CAMK2G: variants seen among roughly 807,000 people sequenced by gnomAD.
CAMK2G encodes the protein calcium/calmodulin dependent protein kinase II gamma.
In CAMK2G, 23 loss-of-function variants were observed where a neutral mutation model predicts 88.7. That is an observed-to-expected ratio of 0.26 (90% CI 0.19 to 0.37). CAMK2G has a LOEUF of 0.37. Ranked by LOEUF, CAMK2G falls within the 10% of genes least tolerant of loss-of-function variation. CAMK2G has a pLI of 1.00. For synonymous variants in CAMK2G, 263 were observed against 294.8 expected, an observed-to-expected ratio of 0.89 and a Z score of 1.11; for missense variants, 476 against 780.8, an observed-to-expected ratio of 0.61 and a Z score of 4.65.
intron 10 of CAMK2G, among the ~76,000 whole-genome samples, chr10:73,844,546 T>C (rs1200451184): frequency 6.6e-6 from 1 of 152,146 alleles, no homozygotes; most frequent in African/African-American, 2.4e-5. Context: ...TAGCTGGGAT[T>C]ATAGGTGTGT....
At chr10:73,820,464 T>TATATA (rs2087623930) in intron 18 of CAMK2G, among the ~76,000 whole-genome samples, 7 of 74,086 alleles carry the variant, frequency 9.4e-5, no homozygotes, top group African/African-American at 3.5e-4. Flanking sequence ...GGTTTTATAT[T>TATATA]TATATATATA....
intron 12 of CAMK2G, among the ~76,000 whole-genome samples, chr10:73,840,918 C>T (rs914954529): frequency 1.3e-5 from 2 of 152,234 alleles, no homozygotes; most frequent in African/African-American, 2.4e-5. Context: ...GCAACTCCAC[C>T]GGAGGCAGCC....
chr10:73,844,088 C>T (rs1036508473), intron 10 of CAMK2G, among the ~76,000 whole-genome samples: 1 of 151,444 alleles, frequency 6.6e-6, no homozygotes, highest in Non-Finnish European at 1.5e-5. Flanking sequence ...TCTCCTTAAA[C>T]AAAAAAATTT....
Position 73,848,471 on chromosome 10 carries a change from A to T in CAMK2G, c.601+55T>A. On this transcript the variant is annotated intron_variant, in intron 8 of 22. Coordinates refer to ENST00000423381, the MANE Select transcript of CAMK2G (RefSeq NM_001367534.1). This position sits in a 1 kb window ranked among gnomAD's most constrained non-coding sequence, Gnocchi z 4.5. ...ATAGCGATGCCTCTTTCTTGCCATC[A>T]TCGGAAGTTGAGGGCCCTTAACAGC... The T allele has an allele frequency of 1.8e-6, 2 of 1,110,702 alleles. No homozygotes were observed. The highest frequency in any genetic ancestry group is 2.8e-6 in the Non-Finnish European group (2 of 726,514). The allele number at this position is 1,110,702 out of a possible 1,614,324, so 68.8% of individuals were successfully genotyped here.
Position 73,819,663 on chromosome 10 carries a change from G to A in CAMK2G, c.1250-18C>T, listed in dbSNP as rs1269553330. 2.7e-6 allele frequency: 4 copies of A among 1,467,418 alleles called. No individual in the cohort carries two copies. The highest frequency in any genetic ancestry group is 3.7e-6 in the Non-Finnish European group (4 of 1,086,156). The allele number at this position is 1,467,418 out of a possible 1,614,324, so 90.9% of individuals were successfully genotyped here. A position where few individuals can be genotyped will look rare whatever the true frequency, so the allele number is the denominator to read the frequency against. ...CGGGGCAGCTAGCCAGCCAGGGCAG[G>A]GCAGGGCAGGGCAAGGCAGAGCAGC... On this transcript the variant is annotated intron_variant, in intron 18 of 22. Coordinates refer to ENST00000423381, the MANE Select transcript of CAMK2G (RefSeq NM_001367534.1).
intron 17 of CAMK2G, among the ~76,000 whole-genome samples, chr10:73,823,037 T>C (rs1194694423): frequency 2.0e-5 from 3 of 150,848 alleles, no homozygotes; most frequent in Admixed American, 6.6e-5. Flanking sequence ...AATTTCTGTA[T>C]CTTTAGTAGA....
chr10:73,863,384 A>C (rs1166377692), intron 2 of CAMK2G, among the ~76,000 whole-genome samples: 1 of 152,232 alleles, frequency 6.6e-6, no homozygotes, highest in Admixed American at 6.5e-5. Context: ...AGGCTGTAAC[A>C]GCCTTGCCTG....
chr10:73,868,068 T>C (rs368036268), intron 2 of CAMK2G, among the ~76,000 whole-genome samples: 1 of 152,178 alleles, frequency 6.6e-6, no homozygotes, highest in Non-Finnish European at 1.5e-5. Flanking sequence ...ACCACCCTTT[T>C]GGCACCCATG....
Position 73,839,683 on chromosome 10 carries a change from G to A in CAMK2G, c.947-82C>T, listed in dbSNP as rs1395315988. The A allele has an allele frequency of 1.5e-5, 14 of 909,984 alleles. No homozygotes were observed. The highest frequency in any genetic ancestry group is 1.9e-5 in the Non-Finnish European group (13 of 693,462). 56.4% of individuals were successfully genotyped at this position (909,984 alleles called of 1,614,324 possible). ...CAGCGAGCATGCCCCAGCGCGAGGC[G>A]CAGCCCAGGCGGCGTGGCCAAGCCA... On this transcript the variant is annotated intron_variant, in intron 12 of 22. Coordinates refer to ENST00000423381, the MANE Select transcript of CAMK2G (RefSeq NM_001367534.1). This position sits in a 1 kb window ranked among gnomAD's most constrained non-coding sequence, Gnocchi z 4.2.
intron 22 of CAMK2G, 101 bp downstream of exon 22, chr10:73,814,902 C>A: frequency 1.3e-6 from 1 of 777,822 alleles, no homozygotes; most frequent in Non-Finnish European, 2.1e-6. Flanking sequence ...TGGGACGGCC[C>A]ACACCTCCTC....
At chr10:73,834,635 C>A (rs1258826224) in intron 14 of CAMK2G, among the ~76,000 whole-genome samples, 1 of 152,152 alleles carries the variant, frequency 6.6e-6, no homozygotes, top group Non-Finnish European at 1.5e-5. Context: ...CAAAATTTTG[C>A]CTTTACCAGA....
At chr10:73,825,710 A>G (rs77742836) in intron 15 of CAMK2G, among the ~76,000 whole-genome samples, 181 of 152,346 alleles carry the variant, frequency 1.2e-3, no homozygotes, top group African/African-American at 4.1e-3. Context: ...GTTTATAAGA[A>G]AGCAGAACAA....
At chr10:73,867,906 A>G (rs935959233) in intron 2 of CAMK2G, among the ~76,000 whole-genome samples, 4 of 152,194 alleles carry the variant, frequency 2.6e-5, no homozygotes, top group Admixed American at 1.3e-4. Context: ...CTGCAGCACA[A>G]AACCAAAAAA....
chr10:73,823,899 A>G, intron 17 of CAMK2G, 141 bp downstream of exon 17: 1 of 750,914 alleles, frequency 1.3e-6, no homozygotes, highest in Non-Finnish European at 2.4e-6. Flanking sequence ...CTCAGCATGG[A>G]GCAACTGTGG....
At chr10:73,847,441 AT>A in intron 9 of CAMK2G, 94 bp from the exon 10 acceptor site, 2 of 1,371,376 alleles carry the variant, frequency 1.5e-6, no homozygotes. Flanking sequence ...TGTAATTGGG[AT>A]ACTCTGTGGT....
In CAMK2G at chr10:73,842,050, G is replaced by A. The variant is rs1251325396; in HGVS notation, c.946+119C>T. On this transcript the variant is annotated intron_variant, in intron 12 of 22. Coordinates refer to ENST00000423381, the MANE Select transcript of CAMK2G (RefSeq NM_001367534.1). This position sits in a 1 kb window ranked among gnomAD's most constrained non-coding sequence, Gnocchi z 4.6. ...GCCCCTCAAAACAGGATCCTCACTC[G>A]CCCTGGTCAAGGTGTGGCCCAGGAC... 1.4e-5 allele frequency: 11 copies of A among 794,068 alleles called. No homozygotes were observed. Among genetic ancestry groups the A allele is most frequent in the East Asian group, 4.9e-5 (2 of 41,146 alleles). 49.2% of individuals were successfully genotyped at this position (794,068 alleles called of 1,614,324 possible).
Position 73,842,605 on chromosome 10 carries a change from G to A in CAMK2G, c.820-64C>T. On this transcript the variant is annotated intron_variant, in intron 10 of 22. Coordinates refer to ENST00000423381, the MANE Select transcript of CAMK2G (RefSeq NM_001367534.1). The surrounding 1 kb of genome is among the most constrained non-coding windows in gnomAD (Gnocchi z 4.6). ...ATCCTCTGCGCCTCCCACAGTCCTG[G>A]CACCGATACCATGCCCAGGACAGGG... 8.5e-7 allele frequency: 1 copy of A among 1,171,574 alleles called. No individual in the cohort carries two copies. The highest frequency in any genetic ancestry group is 1.3e-6 in the Non-Finnish European group (1 of 780,474). 72.6% of individuals were successfully genotyped at this position (1,171,574 alleles called of 1,614,324 possible).
At position 73,847,725 on chromosome 10, in the gene CAMK2G, G is replaced by A. The variant is rs112971678; in HGVS notation, c.696+263C>T. Among the ~76,000 whole-genome samples, 876 of 152,274 alleles carry A rather than the reference G, an allele frequency of 5.8e-3. 12 individuals carry two copies. Among genetic ancestry groups the A allele is most frequent in the African/African-American group, 0.02 (821 of 41,528 alleles). ...TGTTACACAGCACACCAATGAGGCCGCTCCATTCTTTGCAAGTAAAGATCA... is the reference window on the plus strand; with the variant it reads ...TGTTACACAGCACACCAATGAGGCCACTCCATTCTTTGCAAGTAAAGATCA... On this transcript the variant is annotated intron_variant, in intron 9 of 22. Coordinates refer to ENST00000423381, the MANE Select transcript of CAMK2G (RefSeq NM_001367534.1).
chr10:73,817,386 C>A (rs898819133), intron 20 of CAMK2G, 93 bp downstream of exon 20: 3 of 989,164 alleles, frequency 3.0e-6, no homozygotes, highest in African/African-American at 3.2e-5. Flanking sequence ...CAAGGTCCAA[C>A]CTCCCTTTCC....
Sources: gnomAD v4.1 joint callset for allele counts (sites outside exome capture counted in the v4.1 genomes callset) on GRCh38, gnomAD v4.1.1 for gene constraint, Gnocchi (gnomAD v3.1) non-coding constraint, MANE v1.5 for transcripts, NCBI Gene and HGNC (gene_info 2026-07-23, HGNC 2026-07-21) for gene names.